Variants in PDE5A observed in about 807,000 individuals in gnomAD.
PDE5A encodes the protein cGMP-specific 3',5'-cyclic phosphodiesterase.
PDE5A carries 67 observed loss-of-function variants against 110.2 expected under a neutral mutation model. The ratio of observed to expected loss-of-function variants is 0.61; its 90% CI spans 0.50 to 0.75. The LOEUF (loss-of-function observed/expected upper bound fraction) is 0.75, where lower values mean the gene tolerates loss of function less well. Ranked by LOEUF, PDE5A falls within the 30% of genes least tolerant of loss-of-function variation. The pLI is 0.00. For synonymous variants in PDE5A, 328 were observed against 351.2 expected (o/e 0.93, Z 0.74); for missense variants, 862 against 1,045.1 (o/e 0.82, Z 2.42).
At position 119,607,193 on chromosome 4, in the gene PDE5A, C is replaced by G; in HGVS notation, c.257G>C (p.Ser86Thr). The part of the protein sequence containing the change: ...TESCSCPLQQ[S>T]PRADNSAPGT... ...AGGGGCACTGTTATCTGCACGAGGA[C>G]TCTGCTGCAAGGGACAAGAGCAAGA... Residue 86 changes from serine to threonine, a missense_variant, in exon 2 of 21, where the codon AGT becomes ACT. Transcript: ENST00000354960. The G allele has an allele frequency of 3.1e-6, 5 of 1,614,134 alleles. No homozygotes were observed. In the South Asian group the frequency reaches 4.4e-5, roughly 14 times the overall value.
chr4:119,616,374 C>G (rs1729943939), intron 1 of PDE5A, among the ~76,000 whole-genome samples: 1 of 152,102 alleles, frequency 6.6e-6, no homozygotes, highest in African/African-American at 2.4e-5. Context: ...ACCTTTTGAG[C>G]TCTTGTCATA....
intron 4 of PDE5A, 146 bp from the exon 5 acceptor site, chr4:119,565,556 G>A: frequency 1.6e-6 from 1 of 624,898 alleles, no homozygotes; most frequent in East Asian, 2.8e-5. Context: ...TATAAACTAA[G>A]TCTTAGCTAA....
chr4:119,552,926 A>C (rs1300032149), intron 8 of PDE5A, among the ~76,000 whole-genome samples: 1 of 152,116 alleles, frequency 6.6e-6, no homozygotes, highest in Non-Finnish European at 1.5e-5. Context: ...AAGTAAAAGT[A>C]CAGTATCTAC....
chr4:119,621,657 G>A (rs1471101509), intron 1 of PDE5A, among the ~76,000 whole-genome samples: 1 of 151,862 alleles, frequency 6.6e-6, no homozygotes, highest in Non-Finnish European at 1.5e-5. Flanking sequence ...TAGACAGACA[G>A]ATAGATAGTT....
At chr4:119,508,636 T>A (rs1263798237) in intron 15 of PDE5A, among the ~76,000 whole-genome samples, 1 of 152,000 alleles carries the variant, frequency 6.6e-6, no homozygotes, top group Non-Finnish European at 1.5e-5. Flanking sequence ...ATGACAATAA[T>A]CTATAATTAC....
chr4:119,585,823 A>G (rs952976716), intron 3 of PDE5A, among the ~76,000 whole-genome samples: 1 of 152,166 alleles, frequency 6.6e-6, no homozygotes, highest in Non-Finnish European at 1.5e-5. Context: ...ATAGAGCACT[A>G]CTGCTTCCTC....
intron 3 of PDE5A, among the ~76,000 whole-genome samples, chr4:119,579,778 C>T (rs1250979861): frequency 2.6e-5 from 4 of 151,258 alleles, no homozygotes; most frequent in Non-Finnish European, 5.9e-5. Context: ...CAACATGGCA[C>T]ATGTATACAT....
intron 7 of PDE5A, among the ~76,000 whole-genome samples, chr4:119,557,744 T>G (rs1727592579): frequency 6.6e-6 from 1 of 152,198 alleles, no homozygotes; most frequent in South Asian, 2.1e-4. Context: ...ATAATTTACA[T>G]GAAGTCTCAC....
At chr4:119,521,083 A>G in intron 12 of PDE5A, 23 bp from the exon 13 acceptor site, 3 of 1,606,402 alleles carry the variant, frequency 1.9e-6, no homozygotes, top group Non-Finnish European at 2.6e-6. Context: ...AAACATAAGT[A>G]GTAACAATAA....
chr4:119,607,306 C>T lies in PDE5A; in HGVS notation c.153-9G>A, dbSNP rs201834818. 1 of 1,569,486 alleles carries T rather than the reference C, an allele frequency of 6.4e-7. No individual in the cohort carries two copies. Among genetic ancestry groups the T allele is most frequent in the Non-Finnish European group, 8.7e-7 (1 of 1,148,636 alleles). On this transcript the variant is annotated splice_polypyrimidine_tract_variant and intron_variant, in intron 1 of 20. Transcript: ENST00000354960. ...ATGCATTGACCATTTCTCTGCAGAA[C>T]AGAACGTGCAGACACATTAGATACT...
intron 3 of PDE5A, among the ~76,000 whole-genome samples, chr4:119,576,640 G>C (rs985386044): frequency 6.6e-6 from 1 of 152,050 alleles, no homozygotes; most frequent in African/African-American, 2.4e-5. Context: ...TGAAACCAAC[G>C]AGAACAAAGA....
intron 20 of PDE5A, among the ~76,000 whole-genome samples, chr4:119,500,600 G>C (rs1347049954): frequency 6.6e-6 from 1 of 151,846 alleles, no homozygotes; most frequent in Non-Finnish European, 1.5e-5. Flanking sequence ...AACCTTCAAA[G>C]ACAAAGACAA....
chr4:119,552,026 T>C (rs1727373238), intron 9 of PDE5A: 1 of 152,114 alleles, frequency 6.6e-6, no homozygotes, highest in Non-Finnish European at 1.5e-5. Flanking sequence ...CATCATTCAA[T>C]TTTTCTGAGA....
intron 2 of PDE5A, among the ~76,000 whole-genome samples, chr4:119,603,383 CAT>C (rs1729413042): frequency 8.5e-6 from 1 of 118,126 alleles, no homozygotes; most frequent in Non-Finnish European, 1.8e-5. Context: ...TAAATACATA[CAT>C]ACATACATAC....
intron 1 of PDE5A, among the ~76,000 whole-genome samples, chr4:119,616,620 C>A (rs1218553260): frequency 6.6e-6 from 1 of 152,020 alleles, no homozygotes. Context: ...GAGCACCCAG[C>A]AAAACTAATG....
In PDE5A at chr4:119,583,515, C is replaced by T. The variant is rs370011099; in HGVS notation, c.831+13008G>A. On this transcript the variant is annotated intron_variant, in intron 3 of 20. Transcript: ENST00000354960. The stretch of plus-strand genomic sequence containing the variant: ...TTACAGTCTCCTTCAATAACTTTTC[C>T]TTTGTGTCCACAACTTGGCTAACTG... Among the ~76,000 whole-genome samples the T allele has an allele frequency of 3.9e-5, 6 of 152,296 alleles. No individual in the cohort carries two copies. In the East Asian group the frequency reaches 7.7e-4, roughly 20 times the overall value.
At chr4:119,506,914 G>A (rs150647080) in intron 16 of PDE5A, among the ~76,000 whole-genome samples, 164 of 151,900 alleles carry the variant, frequency 1.1e-3, no homozygotes, top group Middle Eastern at 6.8e-3. Context: ...CTTACAGAGG[G>A]AGAGAGACTC....
chr4:119,552,637 T>A lies in PDE5A; in HGVS notation c.1309A>T (p.Thr437Ser). 1 of 1,511,586 alleles carries A rather than the reference T, an allele frequency of 6.6e-7. No individual in the cohort carries two copies. The highest frequency in any genetic ancestry group is 8.9e-7 in the Non-Finnish European group (1 of 1,122,658). 93.6% of individuals were successfully genotyped at this position (1,511,586 alleles called of 1,614,324 possible). A position where few individuals can be genotyped will look rare whatever the true frequency, so the allele number is the denominator to read the frequency against. Residue 437 changes from threonine (T) to serine (S), a missense_variant and splice_region_variant, in exon 9 of 21, where the codon ACT becomes TCT. Physicochemically the swap from Thr to Ser is moderately conservative, Grantham distance 58. Coordinates refer to ENST00000354960, the MANE Select transcript of PDE5A (RefSeq NM_001083.4). ...VSKDKRFPWT[T>S]ENTGNVNQQC... ...TGGTTTACATTTCCTGTATTTTCAG[T>A]CTAAACAAAAATAAAAAGAACAAAA...
intron 1 of PDE5A, among the ~76,000 whole-genome samples, chr4:119,619,164 T>TA: frequency 6.6e-6 from 1 of 152,138 alleles, no homozygotes; most frequent in Non-Finnish European, 1.5e-5. Flanking sequence ...ATAACTCACA[T>TA]AAAAAATTAT....
Sources: gnomAD v4.1 joint callset for allele counts (sites outside exome capture counted in the v4.1 genomes callset) on GRCh38, gnomAD v4.1.1 for gene constraint, MANE v1.5 for transcripts, NCBI Gene and HGNC (gene_info 2026-07-23, HGNC 2026-07-21) for gene names.